The following AK8 variants were observed in gnomAD, a reference collection of about 807,000 sequenced individuals.
The protein encoded by AK8 is ATP-AMP transphosphorylase 8.
In AK8, 44 loss-of-function variants were observed where a neutral mutation model predicts 54.6. The observed-to-expected ratio is 0.81, with a 90% CI of 0.63 to 1.04. The LOEUF is 1.04. Ranked by LOEUF, AK8 falls within the 50% of genes least tolerant of loss-of-function variation. The pLI is 0.00. For synonymous variants in AK8, 239 were observed against 245.6 expected (o/e 0.97, Z 0.25); for missense variants, 555 against 613.6 (o/e 0.90, Z 1.01).
At chr9:132,737,263 T>A (rs759285920) in intron 11 of AK8, among the ~76,000 whole-genome samples, 2 of 152,190 alleles carry the variant, frequency 1.3e-5, no homozygotes, top group Admixed American at 1.3e-4. Flanking sequence ...TCTGAATACA[T>A]GCATGTATAC....
chr9:132,813,337 G>T (rs1186961311), intron 10 of AK8, among the ~76,000 whole-genome samples: 3 of 152,160 alleles, frequency 2.0e-5, no homozygotes, highest in Non-Finnish European at 4.4e-5. Context: ...TCCCGGGGAG[G>T]CCCAAGCAGA....
intron 5 of AK8, among the ~76,000 whole-genome samples, chr9:132,834,721 C>G (rs1003084335): frequency 6.6e-6 from 1 of 152,088 alleles, no homozygotes. Context: ...TGAATTCCAC[C>G]CTTGATAATC....
chr9:132,795,157 G>C (rs1036886816), intron 10 of AK8, among the ~76,000 whole-genome samples: 2 of 152,168 alleles, frequency 1.3e-5, no homozygotes, highest in Non-Finnish European at 2.9e-5. Flanking sequence ...CCTCTGCCTC[G>C]AGACATTTGT....
chr9:132,857,529 C>G (rs1207871923), intron 4 of AK8, among the ~76,000 whole-genome samples: 1 of 152,094 alleles, frequency 6.6e-6, no homozygotes, highest in Non-Finnish European at 1.5e-5. Context: ...TCCGTCTCAT[C>G]CTCTCCCCTC....
At chr9:132,756,089 G>A (rs574620049) in intron 11 of AK8, among the ~76,000 whole-genome samples, 1 of 152,268 alleles carries the variant, frequency 6.6e-6, no homozygotes, top group African/African-American at 2.4e-5. Context: ...TTAAAATGAG[G>A]TGTATTCCTC....
intron 11 of AK8, among the ~76,000 whole-genome samples, chr9:132,729,033 C>T (rs1318383924): frequency 6.6e-6 from 1 of 152,074 alleles, no homozygotes; most frequent in Non-Finnish European, 1.5e-5. Context: ...CAGGTGTGCA[C>T]CACCCCACCC....
At chr9:132,766,270 C>A (rs1447777842) in intron 11 of AK8, among the ~76,000 whole-genome samples, 2 of 152,174 alleles carry the variant, frequency 1.3e-5, no homozygotes, top group African/African-American at 4.8e-5. Context: ...CTCCAACATG[C>A]CTGGCTGATT....
intron 11 of AK8, among the ~76,000 whole-genome samples, chr9:132,732,175 A>T (rs1836874640): frequency 6.6e-6 from 1 of 152,056 alleles, no homozygotes; most frequent in South Asian, 2.1e-4. Flanking sequence ...CCTTTTCTAT[A>T]TGTAAATAAA....
rs1196483457 is a variant in AK8, at chr9:132,837,871, G to A, written c.403-9145C>T. Among the ~76,000 whole-genome samples the A allele has an allele frequency of 2.6e-5, 4 of 152,156 alleles. No individual in the cohort carries two copies. Reference sequence around the variant, plus strand: ...CAGAAGCCCTGCCTCGCCGTGATGCGGGCCATACGTTTCCTGAGTGGAACT... The same window carrying A: ...CAGAAGCCCTGCCTCGCCGTGATGCAGGCCATACGTTTCCTGAGTGGAACT... On this transcript the variant is annotated intron_variant, in intron 5 of 12. Transcript: ENST00000298545. This position sits in a 1 kb window ranked among gnomAD's most constrained non-coding sequence, Gnocchi z 4.3.
intron 11 of AK8, among the ~76,000 whole-genome samples, chr9:132,777,001 T>C (rs568316488): frequency 1.3e-5 from 2 of 152,156 alleles, no homozygotes; most frequent in Non-Finnish European, 2.9e-5. Context: ...GTCTCAGATA[T>C]GAGTCTGATT....
At chr9:132,749,518 G>C (rs1206183193) in intron 11 of AK8, among the ~76,000 whole-genome samples, 1 of 151,862 alleles carries the variant, frequency 6.6e-6, no homozygotes. Flanking sequence ...GGCAAGCCCG[G>C]GACGTAGGTG....
intron 5 of AK8, among the ~76,000 whole-genome samples, chr9:132,830,693 G>A (rs762335573): frequency 1.3e-5 from 2 of 152,122 alleles, no homozygotes; most frequent in Non-Finnish European, 2.9e-5. Context: ...CAAACCCTTT[G>A]AGGCAAACTA....
rs1301331335 is a variant in AK8, at chr9:132,826,633, T to C, written c.757+221A>G. On this transcript the variant is annotated intron_variant, in intron 8 of 12. Transcript: ENST00000298545. The surrounding 1 kb of genome is among the most constrained non-coding windows in gnomAD (Gnocchi z 4.5). ...GGCCAGAGATGTGACCACATCTGAG[T>C]GTGGGACATTAGCCCAGGGTCTCCA... Among the ~76,000 whole-genome samples, 1 of 151,868 alleles carries C rather than the reference T, an allele frequency of 6.6e-6. No individual in the cohort carries two copies. Among genetic ancestry groups the C allele is most frequent in the Non-Finnish European group, 1.5e-5 (1 of 67,980 alleles).
chr9:132,743,020 G>A (rs1239244285), intron 11 of AK8, among the ~76,000 whole-genome samples: 1 of 152,052 alleles, frequency 6.6e-6, no homozygotes, highest in Non-Finnish European at 1.5e-5. Context: ...ACAAGGGGAG[G>A]AGGGGGGCCT....
chr9:132,765,742 G>C (rs922844227), intron 11 of AK8, among the ~76,000 whole-genome samples: 1 of 152,166 alleles, frequency 6.6e-6, no homozygotes, highest in African/African-American at 2.4e-5. Context: ...ATACTGAATA[G>C]GAAAAAGTTG....
chr9:132,873,168 C>T (rs149395520), intron 2 of AK8, among the ~76,000 whole-genome samples: 59 of 152,280 alleles, frequency 3.9e-4, no homozygotes, highest in African/African-American at 1.4e-3. Flanking sequence ...GGCTGGCAAG[C>T]ACAATTTTTA....
chr9:132,773,027 C>G (rs1253459439), intron 11 of AK8, among the ~76,000 whole-genome samples: 2 of 152,188 alleles, frequency 1.3e-5, no homozygotes. Flanking sequence ...TCCCATCTGT[C>G]ATTTGCTCAA....
intron 11 of AK8, among the ~76,000 whole-genome samples, chr9:132,763,011 T>C (rs1251422327): frequency 6.6e-6 from 1 of 152,152 alleles, no homozygotes; most frequent in Non-Finnish European, 1.5e-5. Flanking sequence ...TTCCAGCAGC[T>C]CCCACCACCC....
At chr9:132,873,759 C>A (rs1328487104) in intron 2 of AK8, among the ~76,000 whole-genome samples, 1 of 152,088 alleles carries the variant, frequency 6.6e-6, no homozygotes, top group Non-Finnish European at 1.5e-5. Flanking sequence ...GCAGGAACTA[C>A]CTCCACTGGC....
Sources: allele counts gnomAD v4.1 joint callset (sites outside exome capture counted in the v4.1 genomes callset), GRCh38; gene constraint gnomAD v4.1.1; non-coding constraint Gnocchi (gnomAD v3.1); transcripts MANE v1.5; gene names NCBI Gene and HGNC (gene_info 2026-07-23, HGNC 2026-07-21).